The following ELP2 variants were observed in gnomAD, a reference collection of about 807,000 sequenced individuals.
The protein encoded by ELP2 is elongator acetyltransferase complex subunit 2, also known as elongator complex protein 2.
Under a neutral mutation model 119.2 loss-of-function variants are expected in ELP2, and 90 were observed. The observed-to-expected ratio is 0.75, with a 90% CI of 0.64 to 0.90. ELP2 has a LOEUF of 0.90. Among genes scored for constraint, ELP2 ranks in the 40% least tolerant of loss-of-function variants. The pLI is 0.00. For missense variants in ELP2, 921 were observed against 967.8 expected (o/e 0.95, Z 0.64); for synonymous variants, 339 against 331.0 (o/e 1.02, Z -0.26).
chr18:36,166,701 GA>G (rs1244747226), intron 18 of ELP2, among the ~76,000 whole-genome samples: 1 of 152,098 alleles, frequency 6.6e-6, no homozygotes, highest in Non-Finnish European at 1.5e-5. Flanking sequence ...ATCTTAAAAG[GA>G]AAATATTTTC....
intron 5 of ELP2, among the ~76,000 whole-genome samples, chr18:36,140,528 G>A (rs1042629267): frequency 6.6e-6 from 1 of 151,950 alleles, no homozygotes; most frequent in Admixed American, 6.6e-5. Context: ...TGTATTTTTA[G>A]TAGAGACAAG....
chr18:36,156,529 A>C lies in ELP2; in HGVS notation c.1339A>C (p.Ile447Leu). The C allele has an allele frequency of 6.2e-7, 1 of 1,614,148 alleles. No individual in the cohort carries two copies. ...GTATGACCTGAAATGTTTGGCAATGATTAATCGGTTTCAGTTTGTATCTGG... is the reference window on the plus strand; with the variant it reads ...GTATGACCTGAAATGTTTGGCAATGCTTAATCGGTTTCAGTTTGTATCTGG... ...HGYDLKCLAM[I>L]NRFQFVSGAD... Residue 447 changes from isoleucine to leucine, a missense_variant, in exon 13 of 22, where the codon ATT (isoleucine) becomes CTT (leucine). Physicochemically the swap from Ile to Leu is conservative, Grantham distance 5. Coordinates refer to ENST00000358232, the MANE Select transcript of ELP2 (RefSeq NM_018255.4).
In ELP2 at chr18:36,164,517, A is replaced by T; in HGVS notation, c.1804A>T (p.Thr602Ser). Residue 602 changes from threonine to serine, a missense_variant, in exon 18 of 22, where the codon ACA becomes TCA. Coordinates refer to ENST00000358232, the MANE Select transcript of ELP2 (RefSeq NM_018255.4). ...TGCAGCTATCATTCTTTGGAACACT[A>T]CATCTTGGAAACAGGTGCAGAATTT... ...EHAAIILWNT[T>S]SWKQVQNLVF... 6.2e-7 allele frequency: 1 copy of T among 1,614,098 alleles called. No homozygotes were observed. The highest frequency in any genetic ancestry group is 8.5e-7 in the Non-Finnish European group (1 of 1,179,964).
rs1357818859 is a variant in ELP2, at chr18:36,156,458, T to G, written c.1276-8T>G. ...AATGATCATTTTTGTTTATCCCGTT[T>G]TACCCAGGTGACTTGGCATGAAATT... On this transcript the variant is annotated splice_region_variant and splice_polypyrimidine_tract_variant and intron_variant, in intron 12 of 21. Transcript: ENST00000358232. The G allele has an allele frequency of 6.2e-7, 1 of 1,614,046 alleles. No individual in the cohort carries two copies. Among genetic ancestry groups the G allele is most frequent in the South Asian group, 1.1e-5 (1 of 91,088 alleles).
At chr18:36,173,278 A>G (rs1353651606) in intron 21 of ELP2, among the ~76,000 whole-genome samples, 2 of 152,214 alleles carry the variant, frequency 1.3e-5, no homozygotes, top group African/African-American at 4.8e-5. Context: ...TGTTCTTGGA[A>G]CTTCTCTGTA....
chr18:36,141,188 A>G lies in ELP2; in HGVS notation c.575A>G (p.Gln192Arg). The G allele has an allele frequency of 1.2e-6, 2 of 1,612,644 alleles. No individual in the cohort carries two copies. The highest frequency in any genetic ancestry group is 1.7e-6 in the Non-Finnish European group (2 of 1,178,716). Residue 192 changes from glutamine to arginine, a missense_variant, in exon 6 of 22, where the codon CAA becomes CGA. Transcript: ENST00000358232. The part of the protein sequence containing the change: ...NDDCRIHIFA[Q>R]QNDQFQKVLS... Reference sequence around the variant, plus strand: ...GATTGCAGAATTCACATATTTGCTCAACAAAATGATCAGGTAATAATGTTT... The same window carrying G: ...GATTGCAGAATTCACATATTTGCTCGACAAAATGATCAGGTAATAATGTTT...
At chr18:36,149,490 T>TTTTTG (rs2090325606) in intron 11 of ELP2, among the ~76,000 whole-genome samples, 1 of 146,426 alleles carries the variant, frequency 6.8e-6, no homozygotes. Context: ...TTTGTTTTGT[T>TTTTTG]TTTTTTTTTT....
chr18:36,168,115 G>A (rs957128659), intron 19 of ELP2, among the ~76,000 whole-genome samples: 1 of 152,208 alleles, frequency 6.6e-6, no homozygotes, highest in African/African-American at 2.4e-5. Flanking sequence ...GCAGTTTAGT[G>A]TTGGCCATTC....
At position 36,164,620 on chromosome 18, in the gene ELP2, G is replaced by C. The variant is rs746416231; in HGVS notation, c.1907G>C (p.Arg636Pro). The C allele has an allele frequency of 1.9e-6, 3 of 1,614,070 alleles. No homozygotes were observed. In the South Asian group the frequency reaches 3.3e-5, roughly 18 times the overall value. ...TTCTTACTAGCTGTTTCCAGAGATC[G>C]AACCTGGTCATTGTGGAAAAAGCAG... ...EKFLLAVSRD[R>P]TWSLWKKQDT... The change falls in exon 18 of 22, where the codon CGA (arginine) becomes CCA (proline). Residue 636 changes from arginine (R) to proline (P), a missense_variant. By Grantham distance (103) the Arg-to-Pro change is moderately radical. Transcript: ENST00000358232.
At chr18:36,173,025 C>T (rs541930546) in intron 21 of ELP2, among the ~76,000 whole-genome samples, 47 of 152,272 alleles carry the variant, frequency 3.1e-4, no homozygotes, top group African/African-American at 1.1e-3. Flanking sequence ...GCCAAACTCC[C>T]TATCTTCTTA....
chr18:36,136,221 G>T (rs2144584450), intron 2 of ELP2, 86 bp from the exon 3 acceptor site: 1 of 939,220 alleles, frequency 1.1e-6, no homozygotes, highest in South Asian at 1.3e-5. Flanking sequence ...GGGTACAGGG[G>T]TATTGTTTTT....
At chr18:36,149,041 G>A (rs2090303213) in intron 11 of ELP2, among the ~76,000 whole-genome samples, 1 of 152,178 alleles carries the variant, frequency 6.6e-6, no homozygotes, top group South Asian at 2.1e-4. Context: ...CACTTTTTCA[G>A]GCATCTGGGA....
In ELP2 at chr18:36,145,875, T is replaced by C. The variant is rs1194979264; in HGVS notation, c.893-73T>C. The C allele has an allele frequency of 1.9e-5, 24 of 1,259,754 alleles. No homozygotes were observed. The South Asian group carries it at 2.6e-4, about 14-fold the overall frequency. 78.0% of individuals were successfully genotyped at this position (1,259,754 alleles called of 1,614,324 possible). ...ACATCCTTGCAGTACCCATGTTGTT[T>C]GTTGTTTTTTTCTGGTCATCTACAA... On this transcript the variant is annotated intron_variant, in intron 9 of 21. Transcript: ENST00000358232.
At chr18:36,146,214 T>C (rs1253011556) in intron 10 of ELP2, 36 bp from the exon 11 acceptor site, 2 of 1,613,540 alleles carry the variant, frequency 1.2e-6, no homozygotes, top group Non-Finnish European at 1.7e-6. Context: ...ACATAGACTA[T>C]TGATTAAGAA....
intron 15 of ELP2, 44 bp from the exon 16 acceptor site, chr18:36,159,914 G>T: frequency 6.2e-7 from 1 of 1,608,882 alleles, no homozygotes; most frequent in Non-Finnish European, 8.5e-7. Flanking sequence ...AAGTGCTATA[G>T]AATTCACTTT....
rs768965169 is a variant in ELP2, at chr18:36,136,351, A to G, written c.262A>G (p.Ile88Val). The change falls in exon 3 of 22, where the codon ATT becomes GTT. Residue 88 changes from isoleucine (I) to valine (V), a missense_variant. Coordinates refer to ENST00000358232, the MANE Select transcript of ELP2 (RefSeq NM_018255.4). ...LVSGGSDNQV[I>V]HWEIEDNQLL... ...TTCTGGAGGATCTGATAATCAAGTG[A>G]TTCACTGGGAAATAGAGGATAATCA... 9 of 1,612,222 alleles carry G rather than the reference A, an allele frequency of 5.6e-6. No individual in the cohort carries two copies. In the South Asian group the frequency reaches 9.9e-5, roughly 18 times the overall value.
chr18:36,158,762 G>T (rs2090643347), intron 13 of ELP2, 73 bp from the exon 14 acceptor site: 2 of 1,116,506 alleles, frequency 1.8e-6, no homozygotes, highest in Non-Finnish European at 2.7e-6. Flanking sequence ...TGAAGTAACA[G>T]TAACTTTTAG....
At chr18:36,146,217 A>G (rs1387405885) in intron 10 of ELP2, 33 bp from the exon 11 acceptor site, 2 of 1,613,682 alleles carry the variant, frequency 1.2e-6, no homozygotes, top group East Asian at 4.5e-5. Context: ...TAGACTATTG[A>G]TTAAGAATTG....
chr18:36,156,440 A>G (rs1256212370), intron 12 of ELP2, 26 bp from the exon 13 acceptor site: 1 of 1,611,760 alleles, frequency 6.2e-7, no homozygotes, highest in Non-Finnish European at 8.5e-7. Flanking sequence ...TTGAATGATC[A>G]TTTTTGTTTA....
Sources: gnomAD v4.1 joint callset for allele counts (sites outside exome capture counted in the v4.1 genomes callset) on GRCh38, gnomAD v4.1.1 for gene constraint, MANE v1.5 for transcripts, NCBI Gene and HGNC (gene_info 2026-07-23, HGNC 2026-07-21) for gene names.